Variants in GNAQ observed in about 807,000 individuals in gnomAD.
GNAQ encodes guanine nucleotide-binding protein G(q) subunit alpha.
GNAQ carries 8 observed loss-of-function variants against 43.9 expected under a neutral mutation model. The ratio of observed to expected loss-of-function variants is 0.18; its 90% CI spans 0.11 to 0.33. The LOEUF is 0.33. GNAQ is among the 10% of genes least tolerant of loss of function. The pLI, the probability that GNAQ is intolerant of heterozygous loss-of-function variation, is 1.00. For synonymous variants in GNAQ, 155 were observed against 170.7 expected (o/e 0.91, Z 0.71); for missense variants, 158 against 450.8 (o/e 0.35, Z 5.88).
At chr9:77,890,762 C>A (rs1353847929) in intron 2 of GNAQ, among the ~76,000 whole-genome samples, 1 of 152,130 alleles carries the variant, frequency 6.6e-6, no homozygotes, top group Admixed American at 6.5e-5. Context: ...AAAATTCCAT[C>A]AAAAATGCAT....
intron 5 of GNAQ, among the ~76,000 whole-genome samples, chr9:77,747,229 A>G (rs1436601360): frequency 6.6e-6 from 1 of 152,046 alleles, no homozygotes; most frequent in Admixed American, 6.5e-5. Context: ...TAAGAAAATA[A>G]TACATTTATT....
At chr9:77,960,115 A>G (rs937852172) in intron 1 of GNAQ, among the ~76,000 whole-genome samples, 1 of 152,130 alleles carries the variant, frequency 6.6e-6, no homozygotes, top group Non-Finnish European at 1.5e-5. Flanking sequence ...GGGTAAGGGA[A>G]CTTTAATTCT....
intron 2 of GNAQ, among the ~76,000 whole-genome samples, chr9:77,863,385 C>T (rs1215673552): frequency 6.6e-6 from 1 of 152,148 alleles, no homozygotes; most frequent in Non-Finnish European, 1.5e-5. Context: ...GCTCCAGTTC[C>T]CAACAAGTTC....
intron 5 of GNAQ, among the ~76,000 whole-genome samples, chr9:77,785,447 GT>G (rs1826460252): frequency 6.6e-6 from 1 of 152,206 alleles, no homozygotes; most frequent in South Asian, 2.1e-4. Flanking sequence ...CTGGTGCTTT[GT>G]TTCAAGAGTC....
chr9:77,866,137 T>C (rs770915250), intron 2 of GNAQ, among the ~76,000 whole-genome samples: 62 of 152,176 alleles, frequency 4.1e-4, no homozygotes, highest in Admixed American at 6.5e-4. Context: ...TGCTTCATAA[T>C]ATTTATCACT....
intron 5 of GNAQ, among the ~76,000 whole-genome samples, chr9:77,764,482 G>A (rs367836684): frequency 2.0e-4 from 30 of 150,150 alleles, no homozygotes; most frequent in Admixed American, 9.3e-4. Context: ...TTGAGATGGA[G>A]TCTCTCTCTG....
chr9:77,759,930 TTTC>T (rs1243985009), intron 5 of GNAQ, among the ~76,000 whole-genome samples: 1 of 151,528 alleles, frequency 6.6e-6, no homozygotes, highest in Non-Finnish European at 1.5e-5. Context: ...CCTTTTTCTT[TTTC>T]TTTTTTTTTT....
At chr9:77,947,473 A>G (rs1219575278) in intron 1 of GNAQ, among the ~76,000 whole-genome samples, 2 of 152,200 alleles carry the variant, frequency 1.3e-5, no homozygotes, top group African/African-American at 4.8e-5. Flanking sequence ...CTGGTTGTGT[A>G]TGCATGTGTG....
chr9:77,782,440 A>G (rs764871599), intron 5 of GNAQ, among the ~76,000 whole-genome samples: 3 of 152,202 alleles, frequency 2.0e-5, no homozygotes, highest in Non-Finnish European at 2.9e-5. Flanking sequence ...AAAAACCACA[A>G]TGAAGTACTA....
intron 5 of GNAQ, among the ~76,000 whole-genome samples, chr9:77,784,379 C>T (rs544984762): frequency 3.2e-4 from 48 of 152,098 alleles, no homozygotes; most frequent in African/African-American, 5.3e-4. Context: ...ATTACATAAA[C>T]GGGTTATTCC....
chr9:77,846,497 G>T (rs1827587152), intron 2 of GNAQ, among the ~76,000 whole-genome samples: 1 of 152,160 alleles, frequency 6.6e-6, no homozygotes, highest in African/African-American at 2.4e-5. Flanking sequence ...TGTGCAATGG[G>T]TCCAAAGAAA....
At chr9:77,970,358 C>T (rs1017444246) in intron 1 of GNAQ, among the ~76,000 whole-genome samples, 6 of 152,148 alleles carry the variant, frequency 3.9e-5, no homozygotes, top group African/African-American at 1.2e-4. Flanking sequence ...AAGTTTTCTT[C>T]CCAACTTGAT....
intron 2 of GNAQ, among the ~76,000 whole-genome samples, chr9:77,823,018 CAA>C (rs1353118993): frequency 6.6e-6 from 1 of 151,908 alleles, no homozygotes; most frequent in African/African-American, 2.4e-5. Context: ...CGGCTCACTG[CAA>C]GCTCCGCCTC....
intron 5 of GNAQ, among the ~76,000 whole-genome samples, chr9:77,760,898 G>T (rs571008579): frequency 2.2e-5 from 3 of 134,892 alleles, no homozygotes; most frequent in East Asian, 4.5e-4. Context: ...GCCCGGTCGC[G>T]ACCCCGTCTG....
At chr9:77,835,300 G>A (rs1226169125) in intron 2 of GNAQ, among the ~76,000 whole-genome samples, 3 of 151,406 alleles carry the variant, frequency 2.0e-5, no homozygotes, top group African/African-American at 7.3e-5. Context: ...TCTACTGTTC[G>A]GGGTGATGGT....
At position 77,721,341 on chromosome 9, in the gene GNAQ, C is replaced by T; in HGVS notation, c.1062G>A (p.Lys354=). 2 of 1,610,270 alleles carry T rather than the reference C, an allele frequency of 1.2e-6. No homozygotes were observed. Among genetic ancestry groups the T allele is most frequent in the Non-Finnish European group, 1.7e-6 (2 of 1,177,928 alleles). ...VKDTILQLNL[K]EYNLV is the part of the protein sequence containing the mutation. ...GGCACAATTAGACCAGATTGTACTC[C>T]TTCAGGTTCAACTGGAGGATGGTGT... The change falls in exon 7 of 7, where the codon AAG becomes AAA. Residue 354 remains lysine, a synonymous_variant. Coordinates refer to ENST00000286548, the MANE Select transcript of GNAQ (RefSeq NM_002072.5).
At chr9:77,975,403 T>C (rs1288008253) in intron 1 of GNAQ, among the ~76,000 whole-genome samples, 1 of 152,102 alleles carries the variant, frequency 6.6e-6, no homozygotes, top group Non-Finnish European at 1.5e-5. Flanking sequence ...TTGAGAGTGG[T>C]TGCTTTGTAT....
Position 77,809,903 on chromosome 9 carries a change from A to G in GNAQ, c.476+5713T>C, listed in dbSNP as rs187624799. Among the ~76,000 whole-genome samples, 13 of 152,270 alleles carry G rather than the reference A, an allele frequency of 8.5e-5. No homozygotes were observed. In the East Asian group the frequency reaches 2.5e-3, roughly 29 times the overall value. On this transcript the variant is annotated intron_variant, in intron 3 of 6. Transcript: ENST00000286548. ...GACTGTAGGTTAAAACAAAGAAATA[A>G]CATTCCTGAATTATCTGTAACTTAG... is the stretch of plus-strand genomic sequence containing the variant.
At chr9:77,931,385 G>A (rs1293821227) in intron 1 of GNAQ, among the ~76,000 whole-genome samples, 1 of 152,000 alleles carries the variant, frequency 6.6e-6, no homozygotes, top group Non-Finnish European at 1.5e-5. Flanking sequence ...GAGGTCAGGA[G>A]ATCGAGACCA....
Sources: allele counts gnomAD v4.1 joint callset (sites outside exome capture counted in the v4.1 genomes callset), GRCh38; gene constraint gnomAD v4.1.1; transcripts MANE v1.5; gene names NCBI Gene and HGNC (gene_info 2026-07-23, HGNC 2026-07-21).